BORA: variants seen among roughly 807,000 people sequenced by gnomAD.
BORA encodes the protein BORA aurora kinase A activator, also known as protein aurora borealis.
Under a neutral mutation model 55.8 loss-of-function variants are expected in BORA, and 26 were observed. That is an observed-to-expected ratio of 0.47 (90% CI 0.34 to 0.65). The LOEUF (loss-of-function observed/expected upper bound fraction) is 0.65. Ranked by LOEUF, BORA falls within the 30% of genes least tolerant of loss-of-function variation. BORA has a pLI of 0.01. For synonymous variants in BORA, 201 were observed against 216.9 expected, an observed-to-expected ratio of 0.93 and a Z score of 0.64; for missense variants, 568 against 671.5, an observed-to-expected ratio of 0.85 and a Z score of 1.70.
chr13:72,732,592 G>A lies in BORA; in HGVS notation c.260+1205G>A, dbSNP rs757685716. Among the ~76,000 whole-genome samples the A allele has an allele frequency of 5.3e-5, 8 of 152,042 alleles. No individual in the cohort carries two copies. The East Asian group carries it at 5.8e-4, about 11-fold the overall frequency. ...CTCGGGAGGCCGAGACAGGAGAATC[G>A]CTTGAACCCAGGAGGCAAAGGTTGC... On this transcript the variant is annotated intron_variant, in intron 3 of 11. Coordinates refer to ENST00000390667, the MANE Select transcript of BORA (RefSeq NM_024808.5).
Position 72,730,257 on chromosome 13 carries a change from C to T in BORA, c.154-1024C>T, listed in dbSNP as rs371493109. ...GAGCAAGTATGTACTAGTGGAAGGT[C>T]GAGCAGTTTATATTGAGTCATTTCA... On this transcript the variant is annotated intron_variant, in intron 2 of 11. Coordinates refer to ENST00000390667, the MANE Select transcript of BORA (RefSeq NM_024808.5). Among the ~76,000 whole-genome samples, 145 of 152,184 alleles carry T rather than the reference C, an allele frequency of 9.5e-4. No homozygotes were observed. In the Middle Eastern group the frequency reaches 0.02, roughly 21 times the overall value.
At chr13:72,739,875 G>A (rs7983857) in intron 5 of BORA, among the ~76,000 whole-genome samples, 31,061 of 152,040 alleles carry the variant, frequency 0.2, 3,417 homozygotes, top group Non-Finnish European at 0.23. Context: ...ATGGGCCAAC[G>A]CCTTTATTGG....
intron 10 of BORA, chr13:72,753,096 A>G (rs1465436201): frequency 6.6e-6 from 1 of 152,230 alleles, no homozygotes; most frequent in East Asian, 1.9e-4. Flanking sequence ...AAATATATAG[A>G]GATAGTGCCT....
chr13:72,731,046 T>C (rs574763750), intron 2 of BORA, among the ~76,000 whole-genome samples: 212 of 152,170 alleles, frequency 1.4e-3, no homozygotes, highest in Non-Finnish European at 2.3e-3. Flanking sequence ...CCAGCCTCGG[T>C]GACAGAACGA....
At chr13:72,745,860 T>C (rs2033129179) in intron 8 of BORA, 84 bp from the exon 9 acceptor site, 8 of 1,252,078 alleles carry the variant, frequency 6.4e-6, no homozygotes, top group Non-Finnish European at 8.7e-6. Flanking sequence ...TAAGTGTGTT[T>C]TGAAGACCAT....
chr13:72,727,936 C>G lies in BORA; in HGVS notation c.-87C>G. 6.4e-7 allele frequency: 1 copy of G among 1,550,660 alleles called. No homozygotes were observed. The highest frequency in any genetic ancestry group is 8.7e-7 in the Non-Finnish European group (1 of 1,147,010). On this transcript the variant is annotated 5_prime_UTR_variant, in exon 1 of 12. Coordinates refer to ENST00000390667, the MANE Select transcript of BORA (RefSeq NM_024808.5). ...AAGCGGGGAGTTAAAGAGTCTATGC[C>G]TGTCGTGGAAGCTGGCCTGGCCCCC...
chr13:72,755,452 T>A lies in BORA; in HGVS notation c.*236T>A, dbSNP rs1000939267. 1 of 488,584 alleles carries A rather than the reference T, an allele frequency of 2.0e-6. No homozygotes were observed. The highest frequency in any genetic ancestry group is 3.6e-5 in the Admixed American group (1 of 27,694). The allele number at this position is 488,584 out of a possible 1,614,324, so 30.3% of individuals were successfully genotyped here. On this transcript the variant is annotated 3_prime_UTR_variant, in exon 12 of 12. Transcript: ENST00000390667. ...ATCAATAAATATTTTTATACTTACA[T>A]TGAGTGATGTGTTTAACAACAAATT...
intron 5 of BORA, among the ~76,000 whole-genome samples, chr13:72,742,034 G>A (rs557767329): frequency 1.3e-5 from 2 of 152,144 alleles, no homozygotes; most frequent in Admixed American, 6.6e-5. Flanking sequence ...TAGGCAGAGA[G>A]AGTATTGATT....
Position 72,744,953 on chromosome 13 carries a change from T to C in BORA, c.512-28T>C, listed in dbSNP as rs760202279. The stretch of plus-strand genomic sequence containing the variant: ...TAATTGCCCTTTAAAATGACTAGCT[T>C]TGCCTTTTCTCCTATTATTAAATAT... On this transcript the variant is annotated intron_variant, in intron 7 of 11. Coordinates refer to ENST00000390667, the MANE Select transcript of BORA (RefSeq NM_024808.5). 2.0e-5 allele frequency: 32 copies of C among 1,589,860 alleles called. 1 individual carries two copies. The South Asian group carries it at 2.7e-4, about 13-fold the overall frequency.
chr13:72,743,486 A>G, intron 5 of BORA, 51 bp from the exon 6 acceptor site: 1 of 1,324,524 alleles, frequency 7.5e-7, no homozygotes, highest in Non-Finnish European at 1.0e-6. Context: ...GTAATGCTAA[A>G]GCAAATGAAG....
chr13:72,755,033 G>C (rs1319275908), intron 11 of BORA, 118 bp from the exon 12 acceptor site: 2 of 754,790 alleles, frequency 2.6e-6, no homozygotes, highest in East Asian at 2.6e-5. Flanking sequence ...TATCTTTACT[G>C]TCCCTTCAGA....
chr13:72,731,315 T>C lies in BORA; in HGVS notation c.188T>C (p.Leu63Pro). The C allele has an allele frequency of 6.2e-7, 1 of 1,612,440 alleles. No individual in the cohort carries two copies. Among genetic ancestry groups the C allele is most frequent in the Non-Finnish European group, 8.5e-7 (1 of 1,178,942 alleles). ...PGKFRWSIDQ[L>P]AVINPVEIDP... ...AAATTTAGATGGTCTATTGATCAAC[T>C]AGCTGTAATAAATCCTGTAGAAATA... The change falls in exon 3 of 12, where the codon CTA becomes CCA. Residue 63 changes from leucine (L) to proline (P), a missense_variant. Physicochemically the swap from Leu to Pro is moderately conservative, Grantham distance 98. Transcript: ENST00000390667.
chr13:72,741,235 T>C (rs1484908155), intron 5 of BORA, among the ~76,000 whole-genome samples: 1 of 152,220 alleles, frequency 6.6e-6, no homozygotes, highest in African/African-American at 2.4e-5. Context: ...CTAGAATATC[T>C]GCACAGTCTG....
rs750440309 is a variant in BORA, at chr13:72,745,948, A to T, written c.743A>T (p.Gln248Leu). The change falls in exon 9 of 12, where the codon CAG becomes CTG. Residue 248 changes from glutamine to leucine, a missense_variant. By Grantham distance (113) the Gln-to-Leu change is moderately radical (BLOSUM62 -2). Coordinates refer to ENST00000390667, the MANE Select transcript of BORA (RefSeq NM_024808.5). Reference protein sequence around the residue: ...RSPLQTPSSGQFSSSPIQASA... With the variant: ...RSPLQTPSSGLFSSSPIQASA... Reference sequence around the variant, plus strand: ...TACTATTTAATTTTATTACAGGGGCAGTTTTCTTCTAGCCCTATTCAGGCT... The same window carrying T: ...TACTATTTAATTTTATTACAGGGGCTGTTTTCTTCTAGCCCTATTCAGGCT... 6.2e-7 allele frequency: 1 copy of T among 1,604,406 alleles called. No individual in the cohort carries two copies. Among genetic ancestry groups the T allele is most frequent in the Non-Finnish European group, 8.5e-7 (1 of 1,176,386 alleles).
chr13:72,732,843 A>G, intron 3 of BORA, among the ~76,000 whole-genome samples: 1 of 152,158 alleles, frequency 6.6e-6, no homozygotes, highest in East Asian at 1.9e-4. Flanking sequence ...ATGATGGACA[A>G]TTATTATATT....
chr13:72,728,840 A>C (rs2032744969), intron 1 of BORA, 86 bp from the exon 2 acceptor site: 8 of 1,228,676 alleles, frequency 6.5e-6, no homozygotes, highest in Non-Finnish European at 8.8e-6. Flanking sequence ...TTTTTGTGAC[A>C]CATTTGTCGA....
At chr13:72,739,669 C>T (rs1413481574) in intron 5 of BORA, among the ~76,000 whole-genome samples, 1 of 152,108 alleles carries the variant, frequency 6.6e-6, no homozygotes, top group African/African-American at 2.4e-5. Context: ...GGTTCCTTAG[C>T]TATGGTGAAA....
In BORA at chr13:72,746,887, C is replaced by A; in HGVS notation, c.1258C>A (p.Leu420Met). ...QSSASEKELA[L>M]LQDVEREKDN... The stretch of plus-strand genomic sequence containing the variant: ...CAGTGCTTCTGAGAAAGAATTAGCA[C>A]TGTTGCAGGATGTTGAAAGGGAGAA... The change falls in exon 10 of 12, where the codon CTG becomes ATG. Residue 420 changes from leucine (L) to methionine (M), a missense_variant. By Grantham distance (15) the Leu-to-Met change is conservative (BLOSUM62 2). Transcript: ENST00000390667. The A allele has an allele frequency of 6.2e-7, 1 of 1,614,114 alleles. No individual in the cohort carries two copies. Among genetic ancestry groups the A allele is most frequent in the Non-Finnish European group, 8.5e-7 (1 of 1,179,992 alleles).
chr13:72,748,878 AC>A (rs2138098988), intron 10 of BORA, among the ~76,000 whole-genome samples: 1 of 152,276 alleles, frequency 6.6e-6, no homozygotes, highest in African/African-American at 2.4e-5. Context: ...GTCACTACTA[AC>A]TTGTCAAACT....
Sources: gnomAD v4.1 joint callset for allele counts (sites outside exome capture counted in the v4.1 genomes callset) on GRCh38, gnomAD v4.1.1 for gene constraint, MANE v1.5 for transcripts, NCBI Gene and HGNC (gene_info 2026-07-23, HGNC 2026-07-21) for gene names.